FBXL13: variants seen among roughly 807,000 people sequenced by gnomAD.
FBXL13 encodes F-box and leucine-rich repeat protein 13.
In FBXL13, 67 loss-of-function variants were observed where a neutral mutation model predicts 83.6. The ratio of observed to expected loss-of-function variants is 0.80; its 90% CI spans 0.66 to 0.98. The LOEUF (loss-of-function observed/expected upper bound fraction) is 0.98. Ranked by LOEUF, FBXL13 falls within the 50% of genes least tolerant of loss-of-function variation. The pLI is 0.00. For missense variants in FBXL13, 822 were observed against 866.5 expected, an observed-to-expected ratio of 0.95 and a Z score of 0.64; for synonymous variants, 272 against 299.5, an observed-to-expected ratio of 0.91 and a Z score of 0.95.
chr7:103,004,758 T>C (rs977722371), intron 6 of FBXL13, among the ~76,000 whole-genome samples: 1 of 151,538 alleles, frequency 6.6e-6, no homozygotes, highest in Non-Finnish European at 1.5e-5. Flanking sequence ...CTGCTGAGAG[T>C]TTTTCATTTC....
chr7:102,877,531 C>A, exon 16 of FBXL13: 1 of 1,611,104 alleles, frequency 6.2e-7, no homozygotes, highest in Non-Finnish European at 8.5e-7. Flanking sequence ...TACAATATAT[C>A]CAATTCCTTG....
intron 17 of FBXL13, among the ~76,000 whole-genome samples, chr7:102,834,901 T>C (rs978365502): frequency 1.3e-5 from 2 of 151,950 alleles, no homozygotes; most frequent in African/African-American, 4.8e-5. Flanking sequence ...TGTGTGTGTG[T>C]GTGTGTGTGT....
At chr7:102,976,302 C>A in intron 6 of FBXL13, 1 of 664,796 alleles carries the variant, frequency 1.5e-6, no homozygotes. Context: ...CAGGACCCAC[C>A]CAGTCCTCCC....
At chr7:103,046,698 AAAGAT>A (rs1261205071) in intron 2 of FBXL13, 1 of 152,232 alleles carries the variant, frequency 6.6e-6, no homozygotes, top group Non-Finnish European at 1.5e-5. Flanking sequence ...AAAAATATTC[AAAGAT>A]AAGAGTCTCA....
chr7:102,812,331 AG>A (rs1170220457), downstream of FBXL13, among the ~76,000 whole-genome samples: 3 of 152,234 alleles, frequency 2.0e-5, no homozygotes, highest in African/African-American at 7.2e-5. Context: ...CATAAAATTG[AG>A]GGAGCATCTT....
At chr7:102,940,168 A>G (rs1821112892) in intron 8 of FBXL13, among the ~76,000 whole-genome samples, 1 of 151,550 alleles carries the variant, frequency 6.6e-6, no homozygotes, top group Admixed American at 6.6e-5. Flanking sequence ...TGCTGGGATT[A>G]CAGGCATGAG....
At chr7:103,010,062 C>T (rs1002326600) in intron 6 of FBXL13, among the ~76,000 whole-genome samples, 3 of 152,144 alleles carry the variant, frequency 2.0e-5, no homozygotes, top group Non-Finnish European at 2.9e-5. Flanking sequence ...CCCATGACCC[C>T]GCCCACCCCA....
intron 8 of FBXL13, among the ~76,000 whole-genome samples, chr7:102,948,961 C>T (rs973369956): frequency 1.3e-5 from 2 of 152,184 alleles, no homozygotes; most frequent in Admixed American, 6.5e-5. Context: ...ATCCGCGTGC[C>T]TTGGCCTCTC....
chr7:102,967,161 C>T (rs1271469920), intron 7 of FBXL13, among the ~76,000 whole-genome samples: 12 of 151,742 alleles, frequency 7.9e-5, no homozygotes, highest in South Asian at 6.2e-4. Flanking sequence ...GTAGAGATGG[C>T]GTTGGCCAGG....
At chr7:102,892,983 G>C (rs1417145833) in intron 11 of FBXL13, among the ~76,000 whole-genome samples, 2 of 152,132 alleles carry the variant, frequency 1.3e-5, no homozygotes. Flanking sequence ...ATACAATAAA[G>C]GAAAATGGAA....
At chr7:102,926,145 A>T in intron 10 of FBXL13, 129 bp downstream of exon 11, 1 of 705,162 alleles carries the variant, frequency 1.4e-6, no homozygotes, top group Non-Finnish European at 2.3e-6. Context: ...CAGACCCCTT[A>T]TCAGAAAAGC....
intron 6 of FBXL13, among the ~76,000 whole-genome samples, chr7:103,016,150 G>GA (rs1355947698): frequency 6.6e-6 from 1 of 152,040 alleles, no homozygotes; most frequent in Non-Finnish European, 1.5e-5. Context: ...CACAGAATTA[G>GA]AAAAAAACTA....
At chr7:103,062,803 A>G (rs1326289619) in intron 1 of FBXL13, among the ~76,000 whole-genome samples, 2 of 152,214 alleles carry the variant, frequency 1.3e-5, no homozygotes. Flanking sequence ...CCAAATGGAT[A>G]AATGCTCAGA....
At chr7:102,887,900 A>C (rs1811011852) in intron 11 of FBXL13, among the ~76,000 whole-genome samples, 1 of 152,220 alleles carries the variant, frequency 6.6e-6, no homozygotes, top group Non-Finnish European at 1.5e-5. Flanking sequence ...AAGAGTGGAT[A>C]GTTTTCAAAT....
In FBXL13 at chr7:103,025,192, AT is replaced by A; in HGVS notation, c.365del (p.Asn122IlefsTer3). ...CAGCAGCTCTTTTGAGTATTAACCT[AT>A]TTTTCCATTTTTTCAATTGAAGTTC... On this transcript the variant is annotated frameshift_variant, in exon 6 of 20. Transcript: ENST00000313221. LOFTEE classifies it high-confidence loss of function. 6.3e-7 allele frequency: 1 copy of A among 1,581,840 alleles called. No individual in the cohort carries two copies.
intron 8 of FBXL13, among the ~76,000 whole-genome samples, chr7:102,961,545 A>T (rs1389804891): frequency 2.7e-5 from 4 of 146,660 alleles, no homozygotes; most frequent in African/African-American, 1.0e-4. Context: ...CTAAGCCAAA[A>T]GAACAAAGCT....
At chr7:102,834,086 A>AAAAGAAAGAAAGAAAG (rs751744146) in intron 17 of FBXL13, among the ~76,000 whole-genome samples, 105 of 93,690 alleles carry the variant, frequency 1.1e-3, no homozygotes, top group South Asian at 3.5e-3. Flanking sequence ...GGAAGGAAAG[A>AAAAGAAAGAAAGAAAG]AAAGAAAGAA....
At chr7:102,866,920 G>A in intron 16 of FBXL13, among the ~76,000 whole-genome samples, 1 of 152,202 alleles carries the variant, frequency 6.6e-6, no homozygotes, top group East Asian at 1.9e-4. Flanking sequence ...GCTATAGGGA[G>A]ACAGGCATGG....
At chr7:102,915,915 A>T (rs1815762254) in intron 10 of FBXL13, among the ~76,000 whole-genome samples, 1 of 152,168 alleles carries the variant, frequency 6.6e-6, no homozygotes, top group Non-Finnish European at 1.5e-5. Flanking sequence ...TGTCCCAGAG[A>T]CTGCTAATAC....
Sources: gnomAD v4.1 joint callset for allele counts (sites outside exome capture counted in the v4.1 genomes callset) on GRCh38, gnomAD v4.1.1 for gene constraint, MANE v1.5 for transcripts, NCBI Gene and HGNC (gene_info 2026-07-23, HGNC 2026-07-21) for gene names.